The following GRXCR1 variants were observed in gnomAD, a reference collection of about 807,000 sequenced individuals.
GRXCR1 encodes the protein glutaredoxin domain-containing cysteine-rich protein 1.
GRXCR1 carries 27 observed loss-of-function variants against 27.3 expected under a neutral mutation model. The observed-to-expected ratio is 0.99, with a 90% CI of 0.73 to 1.37. The LOEUF (loss-of-function observed/expected upper bound fraction) is 1.37, where lower values mean the gene tolerates loss of function less well. Ranked by LOEUF, GRXCR1 falls within the 40% of genes most tolerant of loss-of-function variation. The pLI is 0.00. For synonymous variants in GRXCR1, 122 were observed against 131.1 expected, an observed-to-expected ratio of 0.93 and a Z score of 0.47; for missense variants, 379 against 354.4, an observed-to-expected ratio of 1.07 and a Z score of -0.56.
chr4:43,015,433 C>T (rs1254311706), intron 2 of GRXCR1, among the ~76,000 whole-genome samples: 1 of 152,010 alleles, frequency 6.6e-6, no homozygotes, highest in Non-Finnish European at 1.5e-5. Context: ...ATGTAGGAGC[C>T]ATTTCTGTAA....
intron 1 of GRXCR1, among the ~76,000 whole-genome samples, chr4:42,956,638 A>T (rs1748010685): frequency 6.6e-6 from 1 of 152,102 alleles, no homozygotes; most frequent in African/African-American, 2.4e-5. Context: ...TTATAACTAT[A>T]CTTTCTACCC....
chr4:42,953,630 AT>A (rs961062278), intron 1 of GRXCR1, among the ~76,000 whole-genome samples: 1 of 151,980 alleles, frequency 6.6e-6, no homozygotes, highest in Non-Finnish European at 1.5e-5. Flanking sequence ...GCTGTTGTTG[AT>A]TTTTTTTAGA....
Position 42,973,586 on chromosome 4 carries a change from T to G in GRXCR1, c.627+10452T>G, listed in dbSNP as rs142121983. On this transcript the variant is annotated intron_variant, in intron 2 of 3. Coordinates refer to ENST00000399770, the MANE Select transcript of GRXCR1 (RefSeq NM_001080476.3). ...CTCACAATTCCCCCACTTACTCAGT[T>G]TTCTTTGACTCCACCTACTTTCTCT... Among the ~76,000 whole-genome samples the G allele has an allele frequency of 2.6e-5, 4 of 152,220 alleles. No homozygotes were observed. In the East Asian group the frequency reaches 5.8e-4, roughly 22 times the overall value.
At chr4:42,927,758 A>G (rs748490832) in intron 1 of GRXCR1, among the ~76,000 whole-genome samples, 3 of 151,994 alleles carry the variant, frequency 2.0e-5, no homozygotes, top group Non-Finnish European at 4.4e-5. Context: ...AGAACAGAAA[A>G]TAGAGTAGAA....
At chr4:42,969,042 G>A (rs990296206) in intron 2 of GRXCR1, among the ~76,000 whole-genome samples, 1 of 152,072 alleles carries the variant, frequency 6.6e-6, no homozygotes, top group African/African-American at 2.4e-5. Flanking sequence ...TGTAGTCAAT[G>A]ATTCCCTAGT....
Position 42,912,297 on chromosome 4 carries a change from G to A in GRXCR1, c.384+18647G>A, listed in dbSNP as rs557603272. Among the ~76,000 whole-genome samples the A allele has an allele frequency of 9.2e-5, 14 of 152,256 alleles. No individual in the cohort carries two copies. In the South Asian group the frequency reaches 2.9e-3, roughly 32 times the overall value. ...TGCATGTTTATTTAAAATCGTATTT[G>A]TTTCCATAGAATTACAAAGACTTAG... On this transcript the variant is annotated intron_variant, in intron 1 of 3. Transcript: ENST00000399770.
intron 2 of GRXCR1, among the ~76,000 whole-genome samples, chr4:43,001,842 A>G (rs1384654349): frequency 1.8e-5 from 1 of 54,616 alleles, no homozygotes; most frequent in African/African-American, 1.3e-4. Context: ...TTATTTCAGC[A>G]AAAAGGAATG....
At chr4:42,896,467 G>A (rs1005051603) in intron 1 of GRXCR1, among the ~76,000 whole-genome samples, 9 of 152,074 alleles carry the variant, frequency 5.9e-5, no homozygotes, top group East Asian at 1.9e-4. Flanking sequence ...TCAGGTGGGC[G>A]TTGTAGAGAG....
intron 2 of GRXCR1, among the ~76,000 whole-genome samples, chr4:43,000,231 G>A (rs1429489940): frequency 6.6e-6 from 1 of 152,228 alleles, no homozygotes; most frequent in African/African-American, 2.4e-5. Context: ...TGTAATCCCA[G>A]CACTTTGGGA....
At chr4:42,907,998 T>A (rs965954895) in intron 1 of GRXCR1, among the ~76,000 whole-genome samples, 14 of 152,162 alleles carry the variant, frequency 9.2e-5, no homozygotes, top group African/African-American at 3.1e-4. Context: ...ACCACTGGTT[T>A]AGGTATAAGT....
At chr4:43,016,538 T>G (rs1712936143) in intron 2 of GRXCR1, among the ~76,000 whole-genome samples, 1 of 152,192 alleles carries the variant, frequency 6.6e-6, no homozygotes, top group Non-Finnish European at 1.5e-5. Context: ...TTTTCAACAA[T>G]TATAAATAAG....
chr4:43,007,339 C>T (rs1197437120), intron 2 of GRXCR1, among the ~76,000 whole-genome samples: 1 of 152,114 alleles, frequency 6.6e-6, no homozygotes, highest in Non-Finnish European at 1.5e-5. Flanking sequence ...TCATGAACAT[C>T]AGACAGAGAT....
At chr4:42,922,955 C>G (rs1747054486) in intron 1 of GRXCR1, among the ~76,000 whole-genome samples, 1 of 152,026 alleles carries the variant, frequency 6.6e-6, no homozygotes, top group South Asian at 2.1e-4. Flanking sequence ...ATCACCTTGC[C>G]AGCTCTCTCC....
At chr4:42,959,801 G>A (rs923997227) in intron 1 of GRXCR1, among the ~76,000 whole-genome samples, 3 of 151,812 alleles carry the variant, frequency 2.0e-5, no homozygotes, top group African/African-American at 7.3e-5. Flanking sequence ...CTCTACATTA[G>A]AATCACATTA....
intron 2 of GRXCR1, among the ~76,000 whole-genome samples, chr4:43,007,946 A>G (rs1405436580): frequency 1.3e-5 from 2 of 152,118 alleles, no homozygotes; most frequent in Non-Finnish European, 2.9e-5. Context: ...CATTTTTACA[A>G]TGTTTCCAAG....
At chr4:42,960,649 T>TTTC (rs1748111143) in intron 1 of GRXCR1, among the ~76,000 whole-genome samples, 1 of 151,912 alleles carries the variant, frequency 6.6e-6, no homozygotes, top group Non-Finnish European at 1.5e-5. Context: ...TGTGTTTTTT[T>TTTC]TTCACATTTT....
chr4:42,926,444 T>C (rs1333751247), intron 1 of GRXCR1, among the ~76,000 whole-genome samples: 1 of 151,972 alleles, frequency 6.6e-6, no homozygotes, highest in African/African-American at 2.4e-5. Context: ...GGAGCTGGTA[T>C]CACCCAACTT....
intron 3 of GRXCR1, among the ~76,000 whole-genome samples, chr4:43,029,207 ACTC>A (rs771420143): frequency 1.3e-5 from 2 of 152,158 alleles, no homozygotes; most frequent in African/African-American, 4.8e-5. Context: ...CATGGGTTAA[ACTC>A]AGTTTATCAG....
chr4:42,961,257 G>A (rs1216122678), intron 1 of GRXCR1, among the ~76,000 whole-genome samples: 1 of 151,848 alleles, frequency 6.6e-6, no homozygotes, highest in Non-Finnish European at 1.5e-5. Flanking sequence ...TCATTCACGG[G>A]CATTTTGGTT....
Sources: allele counts gnomAD v4.1 joint callset (sites outside exome capture counted in the v4.1 genomes callset), GRCh38; gene constraint gnomAD v4.1.1; transcripts MANE v1.5; gene names NCBI Gene and HGNC (gene_info 2026-07-23, HGNC 2026-07-21).